SPAG9: variants seen among roughly 807,000 people sequenced by gnomAD.
The protein encoded by SPAG9 is sperm associated antigen 9, also known as C-Jun-amino-terminal kinase-interacting protein 4.
In SPAG9, 35 loss-of-function variants were observed where a neutral mutation model predicts 166.5. That is an observed-to-expected ratio of 0.21 (90% CI 0.16 to 0.28). The LOEUF is 0.28. SPAG9 is among the 10% of genes least tolerant of loss of function. The pLI is 1.00. For missense variants in SPAG9, 1,235 were observed against 1,603.3 expected (o/e 0.77, Z 3.92); for synonymous variants, 534 against 565.5 (o/e 0.94, Z 0.79).
intron 25 of SPAG9, 31 bp from the exon 26 acceptor site, chr17:50,979,948 T>A (rs745959207): frequency 6.3e-7 from 1 of 1,596,872 alleles, no homozygotes; most frequent in African/African-American, 1.3e-5. Context: ...ACAAAGTTAC[T>A]TTTGCTACAT....
intron 28 of SPAG9, among the ~76,000 whole-genome samples, chr17:50,974,342 G>A (rs1404718553): frequency 6.6e-6 from 1 of 152,136 alleles, no homozygotes; most frequent in African/African-American, 2.4e-5. Flanking sequence ...AGACACAGGG[G>A]CCAGACCCCC....
At chr17:51,046,669 G>A in intron 4 of SPAG9, 1 of 1,536,034 alleles carries the variant, frequency 6.5e-7, no homozygotes, top group Non-Finnish European at 8.7e-7. Flanking sequence ...ATGGCGCTGT[G>A]CTGGCATGGT....
At chr17:51,033,802 T>C (rs1254681776) in intron 5 of SPAG9, among the ~76,000 whole-genome samples, 1 of 152,242 alleles carries the variant, frequency 6.6e-6, no homozygotes, top group Non-Finnish European at 1.5e-5. Context: ...AAAAGGTAAT[T>C]TTTTCAGTAG....
chr17:51,107,732 C>CA lies in SPAG9; in HGVS notation c.303+12621dup, dbSNP rs1452490758. Reference sequence around the variant, plus strand: ...AGCCTGGGCGACAGCAAGACTCCATCAAAAAAAAGGTTAAAAAAAAAAAAA... The same window carrying CA: ...AGCCTGGGCGACAGCAAGACTCCATCAAAAAAAAAGGTTAAAAAAAAAAAAA... On this transcript the variant is annotated intron_variant, in intron 1 of 29. Transcript: ENST00000262013. 4.5e-5 allele frequency among the ~76,000 whole-genome samples: 6 copies of CA among 134,072 alleles called. No individual in the cohort carries two copies. The South Asian group carries it at 7.3e-4, about 16-fold the overall frequency. The allele number at this position is 134,072 out of a possible 152,430, so 88.0% of individuals were successfully genotyped here.
intron 1 of SPAG9, among the ~76,000 whole-genome samples, chr17:51,087,347 T>A (rs965984191): frequency 1.3e-5 from 2 of 152,130 alleles, no homozygotes; most frequent in African/African-American, 4.8e-5. Context: ...AATTTATGAA[T>A]GAGAAAACAG....
chr17:51,005,651 G>C (rs1227208789), intron 11 of SPAG9, among the ~76,000 whole-genome samples: 1 of 152,228 alleles, frequency 6.6e-6, no homozygotes, highest in African/African-American at 2.4e-5. Context: ...AGGAGTTCAA[G>C]ACCAGCTTGG....
intron 1 of SPAG9, among the ~76,000 whole-genome samples, chr17:51,086,799 G>A (rs1004396129): frequency 1.3e-5 from 2 of 152,204 alleles, no homozygotes; most frequent in Admixed American, 6.5e-5. Context: ...GCAGGTGTGT[G>A]TAATCCCAGC....
intron 6 of SPAG9, among the ~76,000 whole-genome samples, chr17:51,024,351 T>C (rs947722607): frequency 6.6e-6 from 1 of 152,226 alleles, no homozygotes. Context: ...AATTACAGTA[T>C]ATTGTACATA....
intron 5 of SPAG9, among the ~76,000 whole-genome samples, chr17:51,034,577 G>A (rs2046514090): frequency 6.6e-6 from 1 of 152,150 alleles, no homozygotes; most frequent in Non-Finnish European, 1.5e-5. Context: ...ATAGCCCACA[G>A]AATAATATAT....
intron 4 of SPAG9, 105 bp from the exon 5 acceptor site, chr17:51,041,756 C>G (rs574890394): frequency 9.6e-7 from 1 of 1,042,712 alleles, no homozygotes; most frequent in Admixed American, 2.1e-5. Flanking sequence ...ACAACCATCA[C>G]TCAAAAATGA....
intron 2 of SPAG9, among the ~76,000 whole-genome samples, chr17:51,057,865 G>A (rs2144526399): frequency 6.6e-6 from 1 of 152,252 alleles, no homozygotes; most frequent in East Asian, 1.9e-4. Context: ...CAGATGTGTT[G>A]TGATAAAATA....
chr17:50,970,993 G>T, intron 28 of SPAG9, 137 bp from the exon 29 acceptor site: 1 of 699,210 alleles, frequency 1.4e-6, no homozygotes, highest in Non-Finnish European at 2.3e-6. Flanking sequence ...AAGCTAGAAG[G>T]CTCTGCATGA....
intron 1 of SPAG9, among the ~76,000 whole-genome samples, chr17:51,104,724 G>C (rs1394721270): frequency 1.3e-5 from 2 of 151,902 alleles, no homozygotes; most frequent in Non-Finnish European, 2.9e-5. Context: ...ACGAGGTCAG[G>C]AGATCGAGAC....
chr17:50,988,218 A>G (rs930942833), intron 21 of SPAG9, among the ~76,000 whole-genome samples: 14 of 147,940 alleles, frequency 9.5e-5, no homozygotes, highest in Non-Finnish European at 1.6e-4. Flanking sequence ...TCCATCTCCA[A>G]AAAAAAAAAA....
At chr17:50,970,913 G>GTT (rs202233771) in intron 28 of SPAG9, 57 bp from the exon 29 acceptor site, 1,758 of 1,108,590 alleles carry the variant, frequency 1.6e-3, no homozygotes, top group South Asian at 2.4e-3. Flanking sequence ...AGGCTGTTTT[G>GTT]TTTTTTTTTT....
intron 3 of SPAG9, among the ~76,000 whole-genome samples, chr17:51,051,115 G>GT (rs1393420528): frequency 6.6e-6 from 1 of 151,890 alleles, no homozygotes; most frequent in Non-Finnish European, 1.5e-5. Context: ...GGTGTAGTGT[G>GT]TTTTTTTGTT....
At chr17:51,091,970 C>A (rs1316810996) in intron 1 of SPAG9, among the ~76,000 whole-genome samples, 1 of 118,140 alleles carries the variant, frequency 8.5e-6, no homozygotes. Context: ...TTTGAAAAGA[C>A]AAGCTCCCAA....
chr17:51,007,020 T>G (rs1022006689), intron 10 of SPAG9, among the ~76,000 whole-genome samples: 8 of 151,996 alleles, frequency 5.3e-5, no homozygotes, highest in African/African-American at 1.9e-4. Flanking sequence ...TGGATACTTA[T>G]AGAGTGAAAA....
intron 4 of SPAG9, chr17:51,046,696 G>C (rs1369673542): frequency 3.9e-6 from 6 of 1,535,886 alleles, no homozygotes; most frequent in Non-Finnish European, 5.2e-6. Context: ...CCCGAACCAA[G>C]GAGGCCTACA....
Sources: gnomAD v4.1 joint callset for allele counts (sites outside exome capture counted in the v4.1 genomes callset) on GRCh38, gnomAD v4.1.1 for gene constraint, MANE v1.5 for transcripts, NCBI Gene and HGNC (gene_info 2026-07-23, HGNC 2026-07-21) for gene names.